The following IL1RN variants were observed in gnomAD, a reference collection of about 807,000 sequenced individuals.
IL1RN encodes interleukin-1 receptor antagonist protein.
In IL1RN, 10 loss-of-function variants were observed where a neutral mutation model predicts 13.7. The ratio of observed to expected loss-of-function variants is 0.73; its 90% CI spans 0.45 to 1.24. The LOEUF is 1.24. Ranked by LOEUF, IL1RN falls within the 50% of genes most tolerant of loss-of-function variation. The pLI, the probability that IL1RN is intolerant of heterozygous loss-of-function variation, is 0.00. For synonymous variants in IL1RN, 102 were observed against 82.7 expected (o/e 1.23, Z -1.27); for missense variants, 213 against 222.1 (o/e 0.96, Z 0.26).
intron 1 of IL1RN, chr2:113,119,980 ACT>A: frequency 9.7e-7 from 1 of 1,036,168 alleles, no homozygotes; most frequent in Middle Eastern, 2.0e-4. Context: ...ATGTGCATAC[ACT>A]TTGTGTTACC....
upstream of IL1RN, among the ~76,000 whole-genome samples, chr2:113,123,598 G>A (rs371471973): frequency 2.6e-5 from 4 of 152,146 alleles, no homozygotes; most frequent in East Asian, 5.8e-4. Context: ...ACCATCTCAG[G>A]GTACAGATAA....
chr2:113,132,730 C>G lies in IL1RN; in HGVS notation c.393C>G (p.Gly131=). Residue 131 remains glycine (G), a synonymous_variant, in exon 4 of 4, where the codon GGC becomes GGG. Transcript: ENST00000409930. ...TCGCCTTCATCCGCTCAGACAGTGG[C>G]CCCACCACCAGTTTTGAGTCTGCCG... ...KRFAFIRSDS[G]PTTSFESAAC... The G allele has an allele frequency of 1.9e-6, 3 of 1,614,242 alleles. No individual in the cohort carries two copies. The highest frequency in any genetic ancestry group is 2.5e-6 in the Non-Finnish European group (3 of 1,180,014).
chr2:113,124,891 C>T (rs1298153973), upstream of IL1RN, among the ~76,000 whole-genome samples: 1 of 152,112 alleles, frequency 6.6e-6, no homozygotes, highest in East Asian at 1.9e-4. Context: ...GGGGAAATGA[C>T]ACAGAGCAGG....
the IL1RN span, among the ~76,000 whole-genome samples, chr2:113,099,399 T>A: frequency 1.3e-5 from 2 of 152,198 alleles, no homozygotes; most frequent in African/African-American, 4.8e-5. Flanking sequence ...CCGGTTTCAC[T>A]CCCACCATGC....
upstream of IL1RN, among the ~76,000 whole-genome samples, chr2:113,114,974 G>A (rs1342184980): frequency 2.6e-5 from 4 of 152,144 alleles, no homozygotes; most frequent in Non-Finnish European, 1.5e-5. Flanking sequence ...GGAACCAAAA[G>A]GAGTTCAGGG....
At chr2:113,124,440 C>T (rs1573296043), upstream of IL1RN, among the ~76,000 whole-genome samples, 1 of 48,614 alleles carries the variant, frequency 2.1e-5, no homozygotes, top group South Asian at 5.8e-4. Context: ...TGATTGACAG[C>T]CCCCCCCCTT....
chr2:113,127,816 T>G (rs1300828059), intron 1 of IL1RN, 76 bp downstream of exon 1: 2 of 1,474,792 alleles, frequency 1.4e-6, no homozygotes, highest in Non-Finnish European at 1.9e-6. Context: ...TGCCAGGGGC[T>G]GCCAGGCCCC....
At chr2:113,123,612 T>A (rs1686856602), upstream of IL1RN, among the ~76,000 whole-genome samples, 3 of 152,172 alleles carry the variant, frequency 2.0e-5, no homozygotes, top group Non-Finnish European at 4.4e-5. Context: ...CAGATAACAA[T>A]CATCCAGAGC....
intron 1 of IL1RN, chr2:113,112,854 C>G (rs1686524006): frequency 6.6e-6 from 1 of 152,218 alleles, no homozygotes; most frequent in African/African-American, 2.4e-5. Flanking sequence ...TAATACTGCA[C>G]TTGGCACACA....
At chr2:113,112,431 C>A (rs1025796866) in intron 1 of IL1RN, among the ~76,000 whole-genome samples, 1 of 152,136 alleles carries the variant, frequency 6.6e-6, no homozygotes, top group African/African-American at 2.4e-5. Flanking sequence ...CTCAAGCCTC[C>A]CCTGCAGGAA....
the IL1RN span, among the ~76,000 whole-genome samples, chr2:113,099,723 C>CTTTTTTTTTTTTTTTTTTTT: frequency 2.8e-5 from 2 of 72,170 alleles, no homozygotes; most frequent in African/African-American, 5.3e-5. Flanking sequence ...CCTCTTCTTT[C>CTTTTTTTTTTTTTTTTTTTT]TTTTCTTTTT....
In IL1RN at chr2:113,133,172, C is replaced by G. The variant is rs977304596; in HGVS notation, c.*301C>G. ...AAACCCCGACCACCTGCCCAACCTG[C>G]TCTCCTCTTGCCACTGCCTCTTCCT... On this transcript the variant is annotated 3_prime_UTR_variant, in exon 4 of 4. Transcript: ENST00000409930. 2.1e-6 allele frequency: 1 copy of G among 466,416 alleles called. No individual in the cohort carries two copies. Among genetic ancestry groups the G allele is most frequent in the Non-Finnish European group, 4.0e-6 (1 of 252,022 alleles). 28.9% of individuals were successfully genotyped at this position (466,416 alleles called of 1,614,324 possible). A position where few individuals can be genotyped will look rare whatever the true frequency, so the allele number is the denominator to read the frequency against.
chr2:113,115,696 G>A (rs1020076521), upstream of IL1RN: 1 of 152,242 alleles, frequency 6.6e-6, no homozygotes, highest in African/African-American at 2.4e-5. Flanking sequence ...AGGCTTCTCA[G>A]ATGCACTGAG....
chr2:113,132,897 T>C lies in IL1RN; in HGVS notation c.*26T>C. 3 of 1,607,482 alleles carry C rather than the reference T, an allele frequency of 1.9e-6. No individual in the cohort carries two copies. The highest frequency in any genetic ancestry group is 2.6e-6 in the Non-Finnish European group (3 of 1,173,958). On this transcript the variant is annotated 3_prime_UTR_variant, in exon 4 of 4. Coordinates refer to ENST00000409930, the MANE Select transcript of IL1RN (RefSeq NM_173842.3). ...TACTGCCCAGGCCTGCCTGTTCCCA[T>C]TCTTGCATGGCAAGGACTGCAGGGA...
chr2:113,125,859 C>A (rs527846430), upstream of IL1RN, among the ~76,000 whole-genome samples: 44 of 152,178 alleles, frequency 2.9e-4, no homozygotes, highest in Non-Finnish European at 5.4e-4. Flanking sequence ...AGTGCGGTGG[C>A]GTGATCTTGG....
rs776628808 is a variant in IL1RN at position 113,131,139 on chromosome 2, G to A, written c.300G>A (p.Glu100=). 1.2e-6 allele frequency: 2 copies of A among 1,605,904 alleles called. No homozygotes were observed. Among genetic ancestry groups the A allele is most frequent in the Middle Eastern group, 1.7e-4 (1 of 6,044 alleles). ...TGTCCTGTGTCAAGTCTGGTGATGA[G>A]ACCAGACTCCAGCTGGAGGTAAAAA... ...MCLSCVKSGD[E]TRLQLEAVNI... The change falls in exon 3 of 4, where the codon GAG becomes GAA. Residue 100 remains glutamate (E), a synonymous_variant. Transcript: ENST00000409930.
upstream of IL1RN, among the ~76,000 whole-genome samples, chr2:113,106,746 A>G (rs1249189839): frequency 2.6e-5 from 4 of 152,202 alleles, no homozygotes; most frequent in Non-Finnish European, 1.5e-5. Context: ...CTCAGAGTCT[A>G]AAACAAAAAT....
chr2:113,125,377 T>C (rs1558866248), upstream of IL1RN, among the ~76,000 whole-genome samples: 1 of 152,208 alleles, frequency 6.6e-6, no homozygotes, highest in Non-Finnish European at 1.5e-5. Context: ...TTGGCCCTCA[T>C]AGGAAGACAC....
upstream of IL1RN, among the ~76,000 whole-genome samples, chr2:113,104,733 C>A (rs545851461): frequency 1.2e-4 from 18 of 152,084 alleles, no homozygotes; most frequent in Admixed American, 1.0e-3. Context: ...TAGTGTGTGC[C>A]AAAGAGCTTT....
Sources: gnomAD v4.1 joint callset for allele counts (sites outside exome capture counted in the v4.1 genomes callset) on GRCh38, gnomAD v4.1.1 for gene constraint, MANE v1.5 for transcripts, NCBI Gene and HGNC (gene_info 2026-07-23, HGNC 2026-07-21) for gene names.